ADGRV1: variants seen among roughly 807,000 people sequenced by gnomAD.
ADGRV1 encodes adhesion G protein-coupled receptor V1.
Under a neutral mutation model 596.2 loss-of-function variants are expected in ADGRV1, and 359 were observed. The ratio of observed to expected loss-of-function variants is 0.60; its 90% CI spans 0.55 to 0.66. The LOEUF (loss-of-function observed/expected upper bound fraction) is 0.66. Among genes scored for constraint, ADGRV1 ranks in the 30% least tolerant of loss-of-function variants. The probability of loss-of-function intolerance (pLI) is 0.00; values close to 1 mark genes in which losing one functional copy is unlikely to be tolerated. For synonymous variants in ADGRV1, 2,681 were observed against 2,679.2 expected (o/e 1.00, Z -0.02); for missense variants, 7,274 against 7,575.6 (o/e 0.96, Z 1.48).
intron 25 of ADGRV1, 79 bp from the exon 26 acceptor site, chr5:90,679,470 A>T: frequency 1.1e-6 from 1 of 887,760 alleles, no homozygotes; most frequent in Non-Finnish European, 1.8e-6. Context: ...TCTTTGCTTG[A>T]TATGTTTTAA....
In ADGRV1 at chr5:90,989,358, A is replaced by G. The variant is rs528554874; in HGVS notation, c.18152+3836A>G. The stretch of plus-strand genomic sequence containing the variant: ...GACCCACATTCTCTATGAAATGTCC[A>G]CTATCCACCCACATACACAGGTTGT... On this transcript the variant is annotated intron_variant, in intron 85 of 89. Coordinates refer to ENST00000405460, the MANE Select transcript of ADGRV1 (RefSeq NM_032119.4). 3.3e-5 allele frequency among the ~76,000 whole-genome samples: 5 copies of G among 152,332 alleles called. No individual in the cohort carries two copies. In the East Asian group the frequency reaches 5.8e-4, roughly 18 times the overall value.
At chr5:91,116,408 G>C (rs922009549) in intron 87 of ADGRV1, among the ~76,000 whole-genome samples, 4 of 152,164 alleles carry the variant, frequency 2.6e-5, no homozygotes, top group Non-Finnish European at 4.4e-5. Flanking sequence ...ATCAACCAAA[G>C]AATGTGAAAT....
chr5:90,783,176 T>A lies in ADGRV1; in HGVS notation c.13284T>A (p.Thr4428=). 6.2e-7 allele frequency: 1 copy of A among 1,613,710 alleles called. No individual in the cohort carries two copies. The highest frequency in any genetic ancestry group is 1.1e-5 in the South Asian group (1 of 91,078). The part of the protein sequence containing the change: ...IMIPVVRLHG[T]YGYVTADFIS... ...TCCCAGTGGTGAGGCTACATGGAAC[T>A]TATGGCTATGTGACAGCTGATTTCA... Residue 4428 remains threonine, a synonymous_variant, in exon 66 of 90, where the codon ACT becomes ACA. Transcript: ENST00000405460.
intron 83 of ADGRV1, among the ~76,000 whole-genome samples, chr5:90,869,491 G>A (rs1768455903): frequency 6.6e-6 from 1 of 152,134 alleles, no homozygotes; most frequent in South Asian, 2.1e-4. Context: ...AGGAAAAATG[G>A]ACTAAAGAAG....
At chr5:91,018,267 G>T (rs1465682936) in intron 85 of ADGRV1, among the ~76,000 whole-genome samples, 2 of 151,940 alleles carry the variant, frequency 1.3e-5, no homozygotes, top group African/African-American at 4.8e-5. Context: ...CCTTAAATAT[G>T]TGGAGTTAAC....
Position 91,042,917 on chromosome 5 carries a change from C to T in ADGRV1, c.18153-29530C>T, listed in dbSNP as rs79670016. On this transcript the variant is annotated intron_variant, in intron 85 of 89. Transcript: ENST00000405460. ...CAACTCTTTATTGAGATCCTTAAAA[C>T]TTAATTTCTGGGTGTTTTTTTTTTC... is the stretch of plus-strand genomic sequence containing the variant. Among the ~76,000 whole-genome samples, 587 of 152,116 alleles carry T rather than the reference C, an allele frequency of 3.9e-3. 3 individuals are homozygous for T. The highest frequency in any genetic ancestry group is 0.013 in the African/African-American group (540 of 41,498).
chr5:90,873,719 C>T (rs971291573), intron 83 of ADGRV1, among the ~76,000 whole-genome samples: 1 of 151,728 alleles, frequency 6.6e-6, no homozygotes, highest in Admixed American at 6.6e-5. Flanking sequence ...TGCTTGAGCC[C>T]AGGAGTTGGA....
chr5:90,779,139 G>GAGAGAA (rs1413416250), intron 64 of ADGRV1, 42 bp downstream of exon 64: 16 of 1,118,832 alleles, frequency 1.4e-5, no homozygotes, highest in Non-Finnish European at 2.0e-5. Context: ...GCAAAGAGCA[G>GAGAGAA]AGAGAAAGAG....
intron 42 of ADGRV1, among the ~76,000 whole-genome samples, chr5:90,713,339 C>G (rs189237988): frequency 1.0e-3 from 143 of 138,344 alleles, no homozygotes; most frequent in African/African-American, 3.9e-3. Flanking sequence ...TCCCCAGAAG[C>G]CTTTTTTTTT....
chr5:90,997,433 A>T (rs920399142), intron 85 of ADGRV1, among the ~76,000 whole-genome samples: 4 of 152,064 alleles, frequency 2.6e-5, no homozygotes. Context: ...ACCTTCTGCC[A>T]TGATTGTAAG....
intron 85 of ADGRV1, among the ~76,000 whole-genome samples, chr5:91,034,206 C>A (rs1562119317): frequency 6.6e-6 from 1 of 151,988 alleles, no homozygotes; most frequent in Non-Finnish European, 1.5e-5. Context: ...GTTACCTAAG[C>A]ATTTTGCTGA....
chr5:90,910,069 G>C (rs762511874), intron 83 of ADGRV1, among the ~76,000 whole-genome samples: 2 of 152,204 alleles, frequency 1.3e-5, no homozygotes, highest in African/African-American at 2.4e-5. Context: ...CTTTCAGCTT[G>C]TTTGAGGTAT....
chr5:91,001,593 T>C (rs748785454), intron 85 of ADGRV1, among the ~76,000 whole-genome samples: 21 of 152,190 alleles, frequency 1.4e-4, no homozygotes, highest in Non-Finnish European at 2.4e-4. Context: ...TTGTTATTGA[T>C]TTGTGAGAAC....
intron 84 of ADGRV1, among the ~76,000 whole-genome samples, chr5:90,972,569 C>G (rs1311918157): frequency 2.0e-5 from 3 of 152,182 alleles, no homozygotes; most frequent in Non-Finnish European, 4.4e-5. Context: ...CGCTCAACTA[C>G]ATGGAAACTG....
At chr5:90,874,728 T>G (rs755339910) in intron 83 of ADGRV1, among the ~76,000 whole-genome samples, 21 of 151,908 alleles carry the variant, frequency 1.4e-4, no homozygotes, top group Middle Eastern at 3.4e-3. Flanking sequence ...CGTGGTGGCA[T>G]GCACCTGTAG....
chr5:90,954,717 C>T (rs74726976), intron 83 of ADGRV1, among the ~76,000 whole-genome samples: 3,159 of 151,922 alleles, frequency 0.021, 55 homozygotes, highest in Non-Finnish European at 0.033. Context: ...TTTATATTTC[C>T]ATAGGTTAAC....
At chr5:91,100,785 C>A (rs1582058661) in intron 86 of ADGRV1, among the ~76,000 whole-genome samples, 1 of 152,176 alleles carries the variant, frequency 6.6e-6, no homozygotes, top group Non-Finnish European at 1.5e-5. Context: ...TGAGTTCTTG[C>A]GTCACCTTAT....
At chr5:90,887,529 A>G (rs1770423375) in intron 83 of ADGRV1, among the ~76,000 whole-genome samples, 1 of 152,002 alleles carries the variant, frequency 6.6e-6, no homozygotes, top group African/African-American at 2.4e-5. Flanking sequence ...ACTGCTGTGC[A>G]CTCATTTTCT....
At chr5:91,113,286 C>T (rs1048358664) in intron 87 of ADGRV1, among the ~76,000 whole-genome samples, 2 of 152,162 alleles carry the variant, frequency 1.3e-5, no homozygotes, top group African/African-American at 2.4e-5. Flanking sequence ...AGAACTCACA[C>T]TCCTCCTAAA....
Sources: allele counts gnomAD v4.1 joint callset (sites outside exome capture counted in the v4.1 genomes callset), GRCh38; gene constraint gnomAD v4.1.1; transcripts MANE v1.5; gene names NCBI Gene and HGNC (gene_info 2026-07-23, HGNC 2026-07-21).